Variants in DOP1B observed in about 807,000 individuals in gnomAD.
DOP1B encodes protein DOP1B.
A neutral mutation model predicts 233.5 loss-of-function variants in DOP1B; 174 were observed. The ratio of observed to expected loss-of-function variants is 0.75; its 90% CI spans 0.66 to 0.85. The LOEUF is 0.85. Ranked by LOEUF, DOP1B falls within the 40% of genes least tolerant of loss-of-function variation. The probability of loss-of-function intolerance (pLI) is 0.00; values close to 1 mark genes in which losing one functional copy is unlikely to be tolerated. For synonymous variants in DOP1B, 1,190 were observed against 1,185.6 expected (o/e 1.00, Z -0.08); for missense variants, 2,652 against 2,846.6 (o/e 0.93, Z 1.56).
chr21:36,223,632 T>G (rs2066650692), intron 11 of DOP1B, among the ~76,000 whole-genome samples: 1 of 141,278 alleles, frequency 7.1e-6, no homozygotes, highest in Non-Finnish European at 1.6e-5. Flanking sequence ...TCTGGTTACA[T>G]TCATCAAATC....
chr21:36,231,205 C>A, intron 14 of DOP1B, 71 bp downstream of exon 14: 1 of 1,496,452 alleles, frequency 6.7e-7, no homozygotes, highest in African/African-American at 1.4e-5. Flanking sequence ...GGTGGAATAT[C>A]CCCTATCCAC....
In DOP1B at chr21:36,166,160, G is replaced by A. The variant is rs115044611; in HGVS notation, c.138+1289G>A. On this transcript the variant is annotated intron_variant, in intron 2 of 36. Transcript: ENST00000691173. Reference sequence around the variant, plus strand: ...GAAATTGTCTTCCACGTGGCCAGACGTGGTGGCTCACACCTGTAATCCCAG... The same window carrying A: ...GAAATTGTCTTCCACGTGGCCAGACATGGTGGCTCACACCTGTAATCCCAG... Among the ~76,000 whole-genome samples, 837 of 151,904 alleles carry A rather than the reference G, an allele frequency of 5.5e-3. 5 individuals are homozygous for A. The highest frequency in any genetic ancestry group is 0.018 in the African/African-American group (758 of 41,462).
At chr21:36,163,168 A>G (rs1371536543) in intron 1 of DOP1B, among the ~76,000 whole-genome samples, 1 of 151,772 alleles carries the variant, frequency 6.6e-6, no homozygotes, top group African/African-American at 2.4e-5. Context: ...AACACGTGAA[A>G]CCCCGTCTCT....
At chr21:36,260,394 A>C (rs2067156930) in intron 23 of DOP1B, among the ~76,000 whole-genome samples, 2 of 152,144 alleles carry the variant, frequency 1.3e-5, no homozygotes, top group Admixed American at 1.3e-4. Flanking sequence ...TTACAGTGCC[A>C]ATTTTCCCGA....
chr21:36,223,658 G>T (rs2066650986), intron 11 of DOP1B, among the ~76,000 whole-genome samples: 1 of 152,148 alleles, frequency 6.6e-6, no homozygotes, highest in Non-Finnish European at 1.5e-5. Context: ...TCCTCTCCTG[G>T]CTGCCCGATC....
At chr21:36,218,570 C>T (rs963509711) in intron 9 of DOP1B, among the ~76,000 whole-genome samples, 3 of 152,070 alleles carry the variant, frequency 2.0e-5, no homozygotes, top group African/African-American at 7.2e-5. Flanking sequence ...ACACAGGAAA[C>T]TTAGCATGAA....
At chr21:36,292,326 C>T (rs1601489714) in intron 36 of DOP1B, 93 bp downstream of exon 36, 6 of 1,002,208 alleles carry the variant, frequency 6.0e-6, no homozygotes, top group Middle Eastern at 3.4e-4. Context: ...GTGCGGTCTT[C>T]GCTTACTGCA....
chr21:36,209,535 G>A (rs1234364820), intron 5 of DOP1B, among the ~76,000 whole-genome samples: 1 of 152,080 alleles, frequency 6.6e-6, no homozygotes, highest in Admixed American at 6.5e-5. Flanking sequence ...GCGGGTCTTT[G>A]TTTCCTTCCT....
chr21:36,169,350 T>C, intron 2 of DOP1B: 1 of 788,602 alleles, frequency 1.3e-6, no homozygotes, highest in Non-Finnish European at 2.3e-6. Context: ...TTGATCTCAG[T>C]GTGGTGATGG....
chr21:36,176,630 C>T (rs1317676278), intron 2 of DOP1B, among the ~76,000 whole-genome samples: 2 of 152,142 alleles, frequency 1.3e-5, no homozygotes, highest in Non-Finnish European at 2.9e-5. Context: ...GAATTGCCTT[C>T]TGAGAAGACA....
intron 9 of DOP1B, among the ~76,000 whole-genome samples, chr21:36,217,223 G>C (rs1407033927): frequency 6.6e-6 from 1 of 152,206 alleles, no homozygotes; most frequent in Non-Finnish European, 1.5e-5. Flanking sequence ...GGACAAAAGG[G>C]GAGCAGCTTC....
At chr21:36,235,176 C>T (rs1356640346) in intron 15 of DOP1B, among the ~76,000 whole-genome samples, 1 of 152,138 alleles carries the variant, frequency 6.6e-6, no homozygotes, top group Non-Finnish European at 1.5e-5. Context: ...GAACTAGAGA[C>T]ACAGCAACCT....
intron 13 of DOP1B, among the ~76,000 whole-genome samples, chr21:36,230,017 A>G (rs2066740375): frequency 6.6e-6 from 1 of 151,070 alleles, no homozygotes; most frequent in Non-Finnish European, 1.5e-5. Context: ...CCTCATTCAT[A>G]TTTGTTAATT....
intron 3 of DOP1B, 46 bp downstream of exon 3, chr21:36,199,297 C>T (rs558421274): frequency 1.1e-5 from 18 of 1,569,866 alleles, no homozygotes; most frequent in African/African-American, 6.8e-5. Flanking sequence ...CCCAAGTAAC[C>T]GGTATTTCAG....
At chr21:36,253,252 C>A (rs775641635) in intron 22 of DOP1B, among the ~76,000 whole-genome samples, 2 of 152,164 alleles carry the variant, frequency 1.3e-5, no homozygotes, top group Non-Finnish European at 2.9e-5. Flanking sequence ...TCTCTTGTTT[C>A]CTTCAAATTT....
chr21:36,185,051 CT>C (rs1438338867), intron 2 of DOP1B, among the ~76,000 whole-genome samples: 2 of 152,156 alleles, frequency 1.3e-5, no homozygotes, highest in African/African-American at 4.8e-5. Flanking sequence ...GGCGTTCTTC[CT>C]TTTCTTCTGT....
rs368837948 is a variant in DOP1B at position 36,245,695 on chromosome 21, C to T, written c.3715C>T (p.Arg1239Trp). Residue 1239 changes from arginine to tryptophan, a missense_variant, in exon 19 of 37, where the codon CGG becomes TGG. Around this residue, in one of 3 missense-constraint regions of DOP1B, gnomAD observed 2,617 missense variants for 2,794.3 expected, o/e 0.94. Transcript: ENST00000691173. This position sits in a 1 kb window ranked among gnomAD's most constrained non-coding sequence, Gnocchi z 5.5. ...CTACCTGCAGCCCTACGACTCTCGG[C>T]GGGTCCTCTATGCCTTCTCGGTGCT... ...LLYLQPYDSR[R>W]VLYAFSVLEA... 70 of 1,613,616 alleles carry T rather than the reference C, an allele frequency of 4.3e-5. No homozygotes were observed. The highest frequency in any genetic ancestry group is 8.9e-5 in the East Asian group (4 of 44,872).
In DOP1B at chr21:36,245,558, C is replaced by G; in HGVS notation, c.3578C>G (p.Ser1193Cys). The change falls in exon 19 of 37, where the codon TCC (serine) becomes TGC (cysteine). Residue 1193 changes from serine (S) to cysteine (C), a missense_variant. Transcript: ENST00000691173. The surrounding 1 kb of genome is among the most constrained non-coding windows in gnomAD (Gnocchi z 5.5). ...SDKTQASESF[S>C]SDEEADLELQ... ...AAGACGCAGGCTTCTGAGTCGTTCT[C>G]CAGCGACGAGGAGGCGGACTTGGAG... 6.2e-7 allele frequency: 1 copy of G among 1,613,506 alleles called. No individual in the cohort carries two copies.
chr21:36,191,130 C>T (rs1190390777), intron 2 of DOP1B, among the ~76,000 whole-genome samples: 2 of 152,028 alleles, frequency 1.3e-5, no homozygotes, highest in East Asian at 1.9e-4. Context: ...TTTTCCTAGC[C>T]GTGGCTAGTG....
Sources: allele counts gnomAD v4.1 joint callset (sites outside exome capture counted in the v4.1 genomes callset), GRCh38; gene constraint gnomAD v4.1.1; regional missense constraint gnomAD v4.1.1; non-coding constraint Gnocchi (gnomAD v3.1); transcripts MANE v1.5; gene names NCBI Gene and HGNC (gene_info 2026-07-23, HGNC 2026-07-21).